BAZ2B: variants seen among roughly 807,000 people sequenced by gnomAD.
BAZ2B encodes the protein bromodomain adjacent to zinc finger domain protein 2B.
BAZ2B carries 91 observed loss-of-function variants against 246.0 expected under a neutral mutation model. The ratio of observed to expected loss-of-function variants is 0.37; its 90% CI spans 0.31 to 0.44. The LOEUF is 0.44. Among genes scored for constraint, BAZ2B ranks in the 20% least tolerant of loss-of-function variants. The pLI is 1.00. For synonymous variants in BAZ2B, 855 were observed against 860.0 expected, an observed-to-expected ratio of 0.99 and a Z score of 0.10; for missense variants, 2,332 against 2,533.7, an observed-to-expected ratio of 0.92 and a Z score of 1.71.
chr2:159,640,948 C>CA, the BAZ2B span, among the ~76,000 whole-genome samples: 23 of 150,732 alleles, frequency 1.5e-4, no homozygotes. Flanking sequence ...AAAAAATTAG[C>CA]AAAACAAAAA....
intron 2 of BAZ2B, among the ~76,000 whole-genome samples, chr2:159,515,456 C>T (rs1325710991): frequency 6.6e-6 from 1 of 152,024 alleles, no homozygotes; most frequent in Admixed American, 6.6e-5. Flanking sequence ...AATTAAAAAG[C>T]CAATGTAATG....
intron 2 of BAZ2B, among the ~76,000 whole-genome samples, chr2:159,500,102 T>C (rs765065812): frequency 4.6e-5 from 7 of 152,252 alleles, no homozygotes; most frequent in Non-Finnish European, 1.0e-4. Flanking sequence ...CATGCCTATG[T>C]CCTGAATGGT....
At position 159,446,767 on chromosome 2, in the gene BAZ2B, C is replaced by G. The variant is rs772719530; in HGVS notation, c.696+15G>C. 1 of 1,588,010 alleles carries G rather than the reference C, an allele frequency of 6.3e-7. No individual in the cohort carries two copies. The highest frequency in any genetic ancestry group is 1.3e-5 in the African/African-American group (1 of 74,172). On this transcript the variant is annotated intron_variant, in intron 6 of 36. Coordinates refer to ENST00000392783, the MANE Select transcript of BAZ2B (RefSeq NM_013450.4). ...ATAGATCTGTTATATATTAGTCCTT[C>G]CAAGTACAACTTACCTTATCTTTGA...
At chr2:159,633,589 A>C in the BAZ2B span, among the ~76,000 whole-genome samples, 2 of 152,174 alleles carry the variant, frequency 1.3e-5, no homozygotes, top group South Asian at 2.1e-4. Flanking sequence ...TGAAATCACT[A>C]AAATGGTCTT....
chr2:159,320,110 A>T lies in BAZ2B; in HGVS notation c.*155T>A. The stretch of plus-strand genomic sequence containing the variant: ...TGGTTGTTGTAGGAATGAAGCCTTT[A>T]AAAATGGTATCATTCTTCTGATACT... On this transcript the variant is annotated 3_prime_UTR_variant, in exon 37 of 37. Transcript: ENST00000392783. 1.5e-6 allele frequency: 1 copy of T among 675,748 alleles called. No individual in the cohort carries two copies. The highest frequency in any genetic ancestry group is 2.2e-6 in the Non-Finnish European group (1 of 459,052). The allele number at this position is 675,748 out of a possible 1,614,324, so 41.9% of individuals were successfully genotyped here. A position where few individuals can be genotyped will look rare whatever the true frequency, so the allele number is the denominator to read the frequency against.
chr2:159,422,005 A>C (rs1280146661), intron 13 of BAZ2B, among the ~76,000 whole-genome samples: 1 of 152,236 alleles, frequency 6.6e-6, no homozygotes, highest in East Asian at 1.9e-4. Flanking sequence ...AGCCACAAAA[A>C]GAATAAAATA....
At chr2:159,547,287 C>T (rs1435357981) in intron 2 of BAZ2B, among the ~76,000 whole-genome samples, 1 of 152,138 alleles carries the variant, frequency 6.6e-6, no homozygotes, top group African/African-American at 2.4e-5. Flanking sequence ...AATGCATTCA[C>T]ATAAGGACAG....
At chr2:159,409,661 A>G (rs574427347) in intron 14 of BAZ2B, among the ~76,000 whole-genome samples, 109 of 152,260 alleles carry the variant, frequency 7.2e-4, no homozygotes, top group Admixed American at 2.9e-3. Flanking sequence ...AACCCCCCAA[A>G]GTGTTACCAA....
rs145047611 is a variant in BAZ2B at position 159,565,549 on chromosome 2, C to T, written c.-45-9684G>A. 2.7e-4 allele frequency among the ~76,000 whole-genome samples: 41 copies of T among 152,080 alleles called. No homozygotes were observed. In the East Asian group the frequency reaches 7.2e-3, roughly 27 times the overall value. On this transcript the variant is annotated intron_variant, in intron 1 of 36. Transcript: ENST00000392783. ...ATCCCAGCACTTTGGGTGGCCAAGG[C>T]GGGGGGATCACGAGGTCAGGAGTTC...
chr2:159,663,583 G>A, the BAZ2B span, among the ~76,000 whole-genome samples: 2 of 150,436 alleles, frequency 1.3e-5, no homozygotes, highest in African/African-American at 4.9e-5. Context: ...GGCGTGGTCT[G>A]GTTTTGGCTC....
At chr2:159,553,005 T>C in intron 2 of BAZ2B, among the ~76,000 whole-genome samples, 1 of 152,126 alleles carries the variant, frequency 6.6e-6, no homozygotes, top group East Asian at 1.9e-4. Context: ...GGGAATAGCA[T>C]GAATGTAAGT....
chr2:159,655,056 A>C, the BAZ2B span, among the ~76,000 whole-genome samples: 70 of 152,312 alleles, frequency 4.6e-4, no homozygotes, highest in African/African-American at 1.7e-3. Flanking sequence ...TAAAATGATA[A>C]CATGAATTCA....
At chr2:159,402,720 C>T (rs543237046) in intron 16 of BAZ2B, among the ~76,000 whole-genome samples, 12 of 152,212 alleles carry the variant, frequency 7.9e-5, no homozygotes, top group South Asian at 2.1e-4. Context: ...TTGGGGCTTA[C>T]GTACACAGTC....
intron 2 of BAZ2B, among the ~76,000 whole-genome samples, chr2:159,490,711 G>A (rs1468439678): frequency 6.6e-6 from 1 of 151,144 alleles, no homozygotes; most frequent in Non-Finnish European, 1.5e-5. Context: ...TTTTATTTTT[G>A]AAGAGATGGG....
At chr2:159,519,431 C>T (rs373086181) in intron 2 of BAZ2B, among the ~76,000 whole-genome samples, 3 of 148,102 alleles carry the variant, frequency 2.0e-5, no homozygotes, top group African/African-American at 4.9e-5. Flanking sequence ...GGGGTTTCAC[C>T]TTGTTAGCCA....
At chr2:159,419,372 A>C (rs981465745) in intron 13 of BAZ2B, among the ~76,000 whole-genome samples, 1 of 152,210 alleles carries the variant, frequency 6.6e-6, no homozygotes, top group Non-Finnish European at 1.5e-5. Flanking sequence ...TCATGAGAAA[A>C]AAATCAAAAT....
intron 2 of BAZ2B, among the ~76,000 whole-genome samples, chr2:159,529,737 T>C (rs150369729): frequency 1.4e-3 from 211 of 152,262 alleles, no homozygotes; most frequent in Admixed American, 3.9e-3. Flanking sequence ...GAGTGCAGAG[T>C]CGCTGTTGTT....
chr2:159,418,168 GA>G (rs2068093163), intron 13 of BAZ2B, among the ~76,000 whole-genome samples: 1 of 152,156 alleles, frequency 6.6e-6, no homozygotes, highest in Non-Finnish European at 1.5e-5. Flanking sequence ...GAGAAAACTG[GA>G]AAACAAATTT....
At chr2:159,581,704 A>T (rs1686823190) in intron 1 of BAZ2B, among the ~76,000 whole-genome samples, 1 of 152,168 alleles carries the variant, frequency 6.6e-6, no homozygotes, top group Non-Finnish European at 1.5e-5. Flanking sequence ...TGGATAAAGA[A>T]AATGTGGCAC....
Sources: allele counts gnomAD v4.1 joint callset (sites outside exome capture counted in the v4.1 genomes callset), GRCh38; gene constraint gnomAD v4.1.1; transcripts MANE v1.5; gene names NCBI Gene and HGNC (gene_info 2026-07-23, HGNC 2026-07-21).